Variants in ATRNL1 observed in about 807,000 individuals in gnomAD.
ATRNL1 encodes the protein attractin like 1.
Under a neutral mutation model 182.7 loss-of-function variants are expected in ATRNL1, and 95 were observed. The observed-to-expected ratio is 0.52, with a 90% confidence interval of 0.44 to 0.62. The LOEUF is 0.62. Ranked by LOEUF, ATRNL1 falls within the 20% of genes least tolerant of loss-of-function variation. The probability of loss-of-function intolerance (pLI) is 0.00; values close to 1 mark genes in which losing one functional copy is unlikely to be tolerated. For synonymous variants in ATRNL1, 576 were observed against 568.3 expected (o/e 1.01, Z -0.19); for missense variants, 1,471 against 1,679.5 (o/e 0.88, Z 2.17).
chr10:115,550,988 A>G (rs1852954793), intron 26 of ATRNL1, among the ~76,000 whole-genome samples: 1 of 151,746 alleles, frequency 6.6e-6, no homozygotes, highest in African/African-American at 2.4e-5. Flanking sequence ...CATTGTGAAA[A>G]TATCAATTTG....
chr10:115,688,354 G>A (rs1213516637), intron 26 of ATRNL1, among the ~76,000 whole-genome samples: 2 of 152,072 alleles, frequency 1.3e-5, no homozygotes, highest in Non-Finnish European at 2.9e-5. Context: ...TGGACTATAA[G>A]GTTGGTATAC....
chr10:115,561,252 A>T (rs1853688014), intron 26 of ATRNL1, among the ~76,000 whole-genome samples: 1 of 152,224 alleles, frequency 6.6e-6, no homozygotes, highest in Non-Finnish European at 1.5e-5. Context: ...ATCTGATAAG[A>T]TATTTGTATC....
chr10:115,211,227 C>T lies in ATRNL1; in HGVS notation c.1349-4470C>T, dbSNP rs1302043591. On this transcript the variant is annotated intron_variant, in intron 8 of 28. Transcript: ENST00000355044. ...CTTTTAACCATTATTTAAAGAGAGACCTGCTAATGACAAATTCTTTTTTTT... is the reference window on the plus strand; with the variant it reads ...CTTTTAACCATTATTTAAAGAGAGATCTGCTAATGACAAATTCTTTTTTTT... Among the ~76,000 whole-genome samples, 7 of 151,316 alleles carry T rather than the reference C, an allele frequency of 4.6e-5. No homozygotes were observed. In the East Asian group the frequency reaches 1.4e-3, roughly 29 times the overall value.
chr10:115,600,800 A>G (rs1856548139), intron 26 of ATRNL1, among the ~76,000 whole-genome samples: 1 of 151,866 alleles, frequency 6.6e-6, no homozygotes, highest in Admixed American at 6.6e-5. Context: ...CGTCCATTTG[A>G]TGGTTACAAA....
intron 5 of ATRNL1, 118 bp from the exon 6 acceptor site, chr10:115,159,922 A>G: frequency 1.4e-6 from 1 of 695,872 alleles, no homozygotes; most frequent in African/African-American, 1.9e-5. Flanking sequence ...TAATTTATGT[A>G]TATATTTGTT....
intron 26 of ATRNL1, among the ~76,000 whole-genome samples, chr10:115,605,545 T>G (rs1856828501): frequency 1.3e-5 from 2 of 152,156 alleles, no homozygotes; most frequent in South Asian, 4.1e-4. Flanking sequence ...GACTTTATGG[T>G]GGGTTTATGA....
At chr10:115,151,734 A>C (rs1209402027) in intron 5 of ATRNL1, among the ~76,000 whole-genome samples, 8 of 151,996 alleles carry the variant, frequency 5.3e-5, no homozygotes, top group Non-Finnish European at 1.2e-4. Flanking sequence ...CCCATTTGTC[A>C]ATTTTGGCTT....
At chr10:115,380,586 AG>A (rs1337436687) in intron 19 of ATRNL1, among the ~76,000 whole-genome samples, 2 of 151,942 alleles carry the variant, frequency 1.3e-5, no homozygotes. Flanking sequence ...CTATTTCTAT[AG>A]GTTTTATTCT....
At chr10:115,105,714 A>G (rs1357173822) in intron 1 of ATRNL1, among the ~76,000 whole-genome samples, 16 of 152,226 alleles carry the variant, frequency 1.1e-4, no homozygotes, top group African/African-American at 3.9e-4. Context: ...GTGGCTTCAG[A>G]GGGTGCAAGC....
intron 15 of ATRNL1, among the ~76,000 whole-genome samples, chr10:115,297,224 G>A (rs1163206266): frequency 6.6e-6 from 1 of 152,170 alleles, no homozygotes; most frequent in Non-Finnish European, 1.5e-5. Context: ...TAATATTTTT[G>A]AAGAATGTGA....
Position 115,947,308 on chromosome 10 carries a change from G to A in ATRNL1, c.*2529G>A, listed in dbSNP as rs185953077. 29 of 152,208 alleles carry A rather than the reference G, an allele frequency of 1.9e-4. No homozygotes were observed. The East Asian group carries it at 4.7e-3, about 24-fold the overall frequency. The allele number at this position is 152,208 out of a possible 1,614,324, so 9.4% of individuals were successfully genotyped here. A position where few individuals can be genotyped will look rare whatever the true frequency, so the allele number is the denominator to read the frequency against. ...TATGCAGATACTTTCCCAGAATTTC[G>A]CAGTTAAATGGCTGATCCTCTTGAA... On this transcript the variant is annotated 3_prime_UTR_variant, in exon 29 of 29. Coordinates refer to ENST00000355044, the MANE Select transcript of ATRNL1 (RefSeq NM_207303.4).
At chr10:115,324,204 T>C (rs1343972840) in intron 18 of ATRNL1, among the ~76,000 whole-genome samples, 2 of 152,198 alleles carry the variant, frequency 1.3e-5, no homozygotes, top group Non-Finnish European at 2.9e-5. Flanking sequence ...TTCTCTTCCA[T>C]GTCAGGGTTT....
At chr10:115,449,180 C>T (rs1037783185) in intron 21 of ATRNL1, among the ~76,000 whole-genome samples, 1 of 152,142 alleles carries the variant, frequency 6.6e-6, no homozygotes, top group Admixed American at 6.5e-5. Context: ...CCACCCCACT[C>T]CCCTGATTCT....
At chr10:115,220,320 T>A (rs1849402809) in intron 9 of ATRNL1, 1 of 152,246 alleles carries the variant, frequency 6.6e-6, no homozygotes. Context: ...CTTCGGCTCT[T>A]CGTGTTCACT....
chr10:115,916,421 G>A (rs1433166823), intron 28 of ATRNL1, among the ~76,000 whole-genome samples: 2 of 152,046 alleles, frequency 1.3e-5, no homozygotes, highest in African/African-American at 4.8e-5. Context: ...AAATAGTCTC[G>A]GTCTATTGGT....
chr10:115,382,231 A>C (rs1458819548), intron 19 of ATRNL1, among the ~76,000 whole-genome samples: 1 of 152,144 alleles, frequency 6.6e-6, no homozygotes, highest in Admixed American at 6.5e-5. Flanking sequence ...TTCTACAAAG[A>C]AGACAGCTCA....
chr10:115,477,910 A>G (rs1208157357), intron 24 of ATRNL1, among the ~76,000 whole-genome samples: 1 of 151,690 alleles, frequency 6.6e-6, no homozygotes, highest in African/African-American at 2.4e-5. Context: ...ATCAATGCCA[A>G]TTCTAATGTA....
intron 27 of ATRNL1, among the ~76,000 whole-genome samples, chr10:115,763,530 G>C (rs1376844193): frequency 6.6e-6 from 1 of 152,146 alleles, no homozygotes; most frequent in East Asian, 1.9e-4. Context: ...AACATGATCT[G>C]GTTGGCCTAG....
intron 27 of ATRNL1, among the ~76,000 whole-genome samples, chr10:115,822,030 G>A (rs1950312457): frequency 6.6e-6 from 1 of 152,150 alleles, no homozygotes; most frequent in South Asian, 2.1e-4. Context: ...ATAATTGGAA[G>A]TAAAACACTC....
Sources: allele counts gnomAD v4.1 joint callset (sites outside exome capture counted in the v4.1 genomes callset), GRCh38; gene constraint gnomAD v4.1.1; transcripts MANE v1.5; gene names NCBI Gene and HGNC (gene_info 2026-07-23, HGNC 2026-07-21).